Variants in TAFA1 observed in about 807,000 individuals in gnomAD.
TAFA1 encodes chemokine-like protein TAFA-1.
In TAFA1, 4 loss-of-function variants were observed where a neutral mutation model predicts 18.5. The observed-to-expected ratio is 0.22, with a 90% CI of 0.11 to 0.49. TAFA1 has a LOEUF of 0.49. TAFA1 is among the 20% of genes least tolerant of loss of function. The probability of loss-of-function intolerance (pLI) is 0.98; values close to 1 mark genes in which losing one functional copy is unlikely to be tolerated. For missense variants in TAFA1, 147 were observed against 169.0 expected, an observed-to-expected ratio of 0.87 and a Z score of 0.72; for synonymous variants, 56 against 55.2, an observed-to-expected ratio of 1.01 and a Z score of -0.06.
Position 68,545,198 on chromosome 3 carries a change from A to G in TAFA1, c.*695A>G, listed in dbSNP as rs2106801828. ...ACTTTATATTCAATTGATATATAATAACCGTTCTAACCTCTTCCAGGAAAA... is the reference window on the plus strand; with the variant it reads ...ACTTTATATTCAATTGATATATAATGACCGTTCTAACCTCTTCCAGGAAAA... On this transcript the variant is annotated 3_prime_UTR_variant, in exon 5 of 5. Coordinates refer to ENST00000478136, the MANE Select transcript of TAFA1 (RefSeq NM_213609.4). 6.5e-6 allele frequency: 1 copy of G among 152,710 alleles called. No homozygotes were observed. Among genetic ancestry groups the G allele is most frequent in the South Asian group, 2.1e-4 (1 of 4,830 alleles). 9.5% of individuals were successfully genotyped at this position (152,710 alleles called of 1,614,324 possible). A position where few individuals can be genotyped will look rare whatever the true frequency, so the allele number is the denominator to read the frequency against.
chr3:68,335,743 G>A lies in TAFA1; in HGVS notation c.119-81537G>A, dbSNP rs1193741155. On this transcript the variant is annotated intron_variant, in intron 2 of 4. Transcript: ENST00000478136. ...TTATAAAAATTACTGGATAAATAAT[G>A]GATGATAGCAATAGCTAGAATGAAC... is the stretch of plus-strand genomic sequence containing the variant. 2.0e-5 allele frequency among the ~76,000 whole-genome samples: 3 copies of A among 152,136 alleles called. No individual in the cohort carries two copies. The East Asian group carries it at 5.8e-4, about 29-fold the overall frequency.
At chr3:68,348,383 C>A (rs1380598315) in intron 2 of TAFA1, among the ~76,000 whole-genome samples, 1 of 152,146 alleles carries the variant, frequency 6.6e-6, no homozygotes, top group Non-Finnish European at 1.5e-5. Context: ...CCAGAGTACA[C>A]AGTCACATAC....
intron 2 of TAFA1, among the ~76,000 whole-genome samples, chr3:68,054,641 G>A (rs2064511627): frequency 6.6e-6 from 1 of 152,146 alleles, no homozygotes; most frequent in Admixed American, 6.5e-5. Flanking sequence ...ATTGTCCATG[G>A]CTGCTTTCAC....
chr3:68,395,186 T>C (rs1249726680), intron 2 of TAFA1, among the ~76,000 whole-genome samples: 4 of 151,300 alleles, frequency 2.6e-5, no homozygotes, highest in African/African-American at 9.7e-5. Context: ...AACAAACATA[T>C]GAAAAAAAAA....
At chr3:68,489,187 T>G (rs17183422) in intron 3 of TAFA1, among the ~76,000 whole-genome samples, 29,678 of 152,084 alleles carry the variant, frequency 0.2, 3,015 homozygotes, top group Middle Eastern at 0.22. Flanking sequence ...ATACCAGGAT[T>G]TGCAGACTCA....
intron 3 of TAFA1, among the ~76,000 whole-genome samples, chr3:68,494,582 C>A (rs1010437621): frequency 6.6e-6 from 1 of 152,162 alleles, no homozygotes; most frequent in African/African-American, 2.4e-5. Context: ...GGTAAAAATG[C>A]AGATGTGAAG....
chr3:68,142,945 A>C (rs1033909055), intron 2 of TAFA1, among the ~76,000 whole-genome samples: 1 of 150,858 alleles, frequency 6.6e-6, no homozygotes, highest in Admixed American at 6.6e-5. Flanking sequence ...AAATCTTCAT[A>C]TATATAACAT....
chr3:68,425,432 T>C (rs755704285), intron 3 of TAFA1, among the ~76,000 whole-genome samples: 1 of 151,928 alleles, frequency 6.6e-6, no homozygotes, highest in African/African-American at 2.4e-5. Context: ...TAAAGGGAAA[T>C]TCGATTGTTC....
intron 2 of TAFA1, among the ~76,000 whole-genome samples, chr3:68,078,919 C>A (rs2064860645): frequency 1.3e-5 from 2 of 152,128 alleles, no homozygotes; most frequent in African/African-American, 4.8e-5. Flanking sequence ...TGGTAGAATT[C>A]GGCTGTGAAT....
chr3:68,072,060 ATAAT>A (rs1194998190), intron 2 of TAFA1, among the ~76,000 whole-genome samples: 4 of 152,252 alleles, frequency 2.6e-5, no homozygotes, highest in Non-Finnish European at 5.9e-5. Flanking sequence ...AGTCACTGAA[ATAAT>A]TAAATAGACC....
chr3:68,015,512 C>T (rs1161388247), intron 2 of TAFA1, among the ~76,000 whole-genome samples: 3 of 152,158 alleles, frequency 2.0e-5, no homozygotes, highest in African/African-American at 7.2e-5. Context: ...GGTCTCAAAC[C>T]TCTGACCTCA....
intron 2 of TAFA1, among the ~76,000 whole-genome samples, chr3:68,332,813 T>G (rs1017087918): frequency 6.6e-6 from 1 of 152,226 alleles, no homozygotes; most frequent in Admixed American, 6.5e-5. Context: ...TAGGTGGGAA[T>G]GTAAATTGGT....
rs1369667825 is a variant in TAFA1 at position 68,538,876 on chromosome 3, C to T, written c.380C>T (p.Thr127Met). ...MCATGNKIKT[T>M]RIHPRT ...GCAACAGGCAACAAAATTAAGACCA[C>T]GAGAGTAAGTGCACTTATTTCAAAT... The change falls in exon 4 of 5, where the codon ACG becomes ATG. Residue 127 changes from threonine (T) to methionine (M), a missense_variant. Transcript: ENST00000478136. 5.6e-6 allele frequency: 9 copies of T among 1,613,298 alleles called. No homozygotes were observed. Among genetic ancestry groups the T allele is most frequent in the Non-Finnish European group, 6.8e-6 (8 of 1,179,504 alleles).
At chr3:68,244,546 T>C (rs973654056) in intron 2 of TAFA1, among the ~76,000 whole-genome samples, 3 of 152,180 alleles carry the variant, frequency 2.0e-5, no homozygotes, top group Non-Finnish European at 2.9e-5. Context: ...GATTATTTTA[T>C]TTTATTTTTT....
chr3:68,328,862 G>C (rs553705530), intron 2 of TAFA1, among the ~76,000 whole-genome samples: 1 of 152,174 alleles, frequency 6.6e-6, no homozygotes, highest in East Asian at 1.9e-4. Flanking sequence ...TGGAAGCTAA[G>C]AAGAAAGGTG....
chr3:68,049,668 G>A (rs577936891), intron 2 of TAFA1, among the ~76,000 whole-genome samples: 1 of 151,814 alleles, frequency 6.6e-6, no homozygotes, highest in South Asian at 2.1e-4. Flanking sequence ...GAGGTGTACA[G>A]ATGTTAATTT....
chr3:68,267,754 A>G (rs2067576712), intron 2 of TAFA1, among the ~76,000 whole-genome samples: 1 of 152,116 alleles, frequency 6.6e-6, no homozygotes, highest in Non-Finnish European at 1.5e-5. Context: ...TTCAAGTCTT[A>G]TATGACTCTA....
intron 2 of TAFA1, among the ~76,000 whole-genome samples, chr3:68,146,326 AG>A (rs1295517520): frequency 2.0e-5 from 3 of 149,512 alleles, no homozygotes; most frequent in African/African-American, 7.4e-5. Flanking sequence ...TAGATGAGGA[AG>A]TTTGTCTTTA....
At position 68,424,010 on chromosome 3, in the gene TAFA1, G is replaced by A. The variant is rs887544723; in HGVS notation, c.259+6590G>A. ...AGCAAGAGAAAGTGTTAACAAAAAG[G>A]CCAGGTTACATCAGAAAACTTTCTT... On this transcript the variant is annotated intron_variant, in intron 3 of 4. Coordinates refer to ENST00000478136, the MANE Select transcript of TAFA1 (RefSeq NM_213609.4). Among the ~76,000 whole-genome samples, 3 of 151,912 alleles carry A rather than the reference G, an allele frequency of 2.0e-5. No homozygotes were observed. The South Asian group carries it at 6.2e-4, about 31-fold the overall frequency.
Sources: allele counts gnomAD v4.1 joint callset (sites outside exome capture counted in the v4.1 genomes callset), GRCh38; gene constraint gnomAD v4.1.1; transcripts MANE v1.5; gene names NCBI Gene and HGNC (gene_info 2026-07-23, HGNC 2026-07-21).